Variants in DNAJC21 observed in about 807,000 individuals in gnomAD.
The protein encoded by DNAJC21 is DnaJ heat shock protein family (Hsp40) member C21.
Under a neutral mutation model 72.4 loss-of-function variants are expected in DNAJC21, and 63 were observed. The observed-to-expected ratio is 0.87, with a 90% CI of 0.71 to 1.07. The LOEUF (loss-of-function observed/expected upper bound fraction) is 1.07, where lower values mean the gene tolerates loss of function less well. DNAJC21 is among the 50% of genes least tolerant of loss of function. The pLI, the probability that DNAJC21 is intolerant of heterozygous loss-of-function variation, is 0.00. For synonymous variants in DNAJC21, 203 were observed against 216.7 expected (o/e 0.94, Z 0.56); for missense variants, 634 against 644.8 (o/e 0.98, Z 0.18).
At chr5:34,945,114 G>A in intron 8 of DNAJC21, 89 bp downstream of exon 8, 4 of 1,493,098 alleles carry the variant, frequency 2.7e-6, no homozygotes, top group South Asian at 1.3e-5. Flanking sequence ...GAATCACTCT[G>A]TTGCCCAGGC....
intron 9 of DNAJC21, among the ~76,000 whole-genome samples, chr5:34,947,132 A>G (rs1038553695): frequency 3.9e-5 from 6 of 152,158 alleles, no homozygotes; most frequent in South Asian, 4.1e-4. Flanking sequence ...AGTTTTCTGT[A>G]TGGCCAGAAA....
At position 34,944,873 on chromosome 5, in the gene DNAJC21, G is replaced by C. The variant is rs140649442; in HGVS notation, c.990G>C (p.Lys330Asn). The C allele has an allele frequency of 1.1e-5, 18 of 1,613,982 alleles. No homozygotes were observed. Among genetic ancestry groups the C allele is most frequent in the Admixed American group, 1.7e-5 (1 of 60,000 alleles). Reference sequence around the variant, plus strand: ...CGTCAGATTGCTCTTTCAGCATGAAGAATCACGAGAAGTCAAAGAAGCATC... The same window carrying C: ...CGTCAGATTGCTCTTTCAGCATGAACAATCACGAGAAGTCAAAGAAGCATC... ...DKSFKTEKAM[K>N]NHEKSKKHRE... The change falls in exon 8 of 12, where the codon AAG (lysine) becomes AAC (asparagine). Residue 330 changes from lysine (K) to asparagine (N), a missense_variant. By Grantham distance (94) the Lys-to-Asn change is moderately conservative (BLOSUM62 0). Coordinates refer to ENST00000648817, the MANE Select transcript of DNAJC21 (RefSeq NM_001012339.3).
rs1348019198 is a variant in DNAJC21 at position 34,957,527 on chromosome 5, C to G, written c.*2813C>G. Reference sequence around the variant, plus strand: ...GTGGAGGTCAAGTCACATCAGAGTTCATGACCTAGTGATTGCTGGTGAAGT... The same window carrying G: ...GTGGAGGTCAAGTCACATCAGAGTTGATGACCTAGTGATTGCTGGTGAAGT... On this transcript the variant is annotated 3_prime_UTR_variant, in exon 12 of 12. Coordinates refer to ENST00000648817, the MANE Select transcript of DNAJC21 (RefSeq NM_001012339.3). The G allele has an allele frequency of 6.6e-6, 1 of 152,076 alleles. No homozygotes were observed. Among genetic ancestry groups the G allele is most frequent in the African/African-American group, 2.4e-5 (1 of 41,408 alleles). The allele number at this position is 152,076 out of a possible 1,614,324, so 9.4% of individuals were successfully genotyped here. A position where few individuals can be genotyped will look rare whatever the true frequency, so the allele number is the denominator to read the frequency against.
chr5:34,936,122 T>C lies in DNAJC21; in HGVS notation c.316-22T>C, dbSNP rs200786263. On this transcript the variant is annotated intron_variant, in intron 3 of 11. Coordinates refer to ENST00000648817, the MANE Select transcript of DNAJC21 (RefSeq NM_001012339.3). Reference sequence around the variant, plus strand: ...TCAGGCTGCAAAAGTATTAAGAATTTGTTTTTGTTACTGTTTTTTAGGGAT... The same window carrying C: ...TCAGGCTGCAAAAGTATTAAGAATTCGTTTTTGTTACTGTTTTTTAGGGAT... 662 of 1,594,836 alleles carry C rather than the reference T, an allele frequency of 4.2e-4. 2 individuals are homozygous for C. Among genetic ancestry groups the C allele is most frequent in the Middle Eastern group, 3.7e-3 (22 of 5,944 alleles).
chr5:34,950,053 C>G, intron 9 of DNAJC21, 117 bp from the exon 10 acceptor site: 1 of 1,184,562 alleles, frequency 8.4e-7, no homozygotes, highest in Non-Finnish European at 1.1e-6. Flanking sequence ...ATGTTCTTAA[C>G]TTACCTGCTT....
rs748630781 is a variant in DNAJC21, at chr5:34,938,898, G to A, written c.784G>A (p.Ala262Thr). ...QYREQSWMTM[A>T]NLEKELQEME... is the part of the protein sequence containing the mutation. ...CAGAGAACAGAGCTGGATGACTATG[G>A]CCAATTTGGAGAAAGAGCTCCAGGA... is the stretch of plus-strand genomic sequence containing the variant. The change falls in exon 6 of 12, where the codon GCC (alanine) becomes ACC (threonine). Residue 262 changes from alanine (A) to threonine (T), a missense_variant. Coordinates refer to ENST00000648817, the MANE Select transcript of DNAJC21 (RefSeq NM_001012339.3). 3.8e-5 allele frequency: 61 copies of A among 1,614,026 alleles called. No individual in the cohort carries two copies. The highest frequency in any genetic ancestry group is 5.0e-5 in the Non-Finnish European group (59 of 1,180,026).
chr5:34,942,997 G>A (rs1296068295), intron 7 of DNAJC21, among the ~76,000 whole-genome samples: 1 of 152,158 alleles, frequency 6.6e-6, no homozygotes, highest in African/African-American at 2.4e-5. Flanking sequence ...GAACTCAGGA[G>A]GCGGAGGTTG....
At chr5:34,954,284 A>T (rs1004535486) in intron 11 of DNAJC21, 1 of 472,390 alleles carries the variant, frequency 2.1e-6, no homozygotes, top group African/African-American at 2.0e-5. Context: ...AGTTCTGGAG[A>T]TTAATTGTGA....
At chr5:34,952,374 T>C (rs1360005490) in intron 10 of DNAJC21, 1 of 503,578 alleles carries the variant, frequency 2.0e-6, no homozygotes, top group Non-Finnish European at 2.6e-6. Context: ...CTACACAATA[T>C]GTTACACTCC....
intron 3 of DNAJC21, 71 bp from the exon 4 acceptor site, chr5:34,936,073 G>C (rs1333543566): frequency 1.4e-5 from 22 of 1,547,968 alleles, no homozygotes; most frequent in African/African-American, 2.8e-5. Context: ...TTTTCATTTT[G>C]TATTTTAAAA....
At chr5:34,930,347 A>G (rs1383112503) in intron 1 of DNAJC21, 1 of 153,734 alleles carries the variant, frequency 6.5e-6, no homozygotes, top group Non-Finnish European at 1.4e-5. Flanking sequence ...GGAATCCCAG[A>G]TACTTCAACC....
In DNAJC21 at chr5:34,935,686, A is replaced by G. The variant is rs539615517; in HGVS notation, c.192-24A>G. 66 of 1,613,518 alleles carry G rather than the reference A, an allele frequency of 4.1e-5. No individual in the cohort carries two copies. In the South Asian group the frequency reaches 5.5e-4, roughly 13 times the overall value. The stretch of plus-strand genomic sequence containing the variant: ...AATTCTTACTTATTCAGCCTTCACA[A>G]TGATGCTAATTTTTGTTTTTCAGGT... On this transcript the variant is annotated intron_variant, in intron 2 of 11. Transcript: ENST00000648817.
At chr5:34,951,813 C>G (rs1216202050) in intron 10 of DNAJC21, 3 of 985,554 alleles carry the variant, frequency 3.0e-6, no homozygotes, top group Non-Finnish European at 2.4e-6. Flanking sequence ...TGTGAGCTAC[C>G]GTGTCTGGCC....
At chr5:34,943,726 C>T (rs1338902062) in intron 7 of DNAJC21, among the ~76,000 whole-genome samples, 1 of 152,128 alleles carries the variant, frequency 6.6e-6, no homozygotes, top group Non-Finnish European at 1.5e-5. Flanking sequence ...GTGCCAGTAC[C>T]CCCTCAAGTT....
intron 7 of DNAJC21, among the ~76,000 whole-genome samples, chr5:34,943,022 C>T (rs920829187): frequency 2.0e-5 from 3 of 151,876 alleles, no homozygotes; most frequent in Non-Finnish European, 4.4e-5. Flanking sequence ...GAGCCAAGAT[C>T]GTGCCATTGC....
At chr5:34,952,866 TTAGGCCAGGC>T (rs1765422189) in intron 10 of DNAJC21, 1 of 152,150 alleles carries the variant, frequency 6.6e-6, no homozygotes, top group South Asian at 2.1e-4. Flanking sequence ...GAAGTTAATG[TTAGGCCAGGC>T]AGGGTGGCTC....
intron 10 of DNAJC21, chr5:34,953,706 C>A (rs1765450696): frequency 2.4e-6 from 1 of 424,960 alleles, no homozygotes; most frequent in Non-Finnish European, 4.2e-6. Context: ...TAAGGAAATT[C>A]CTTAATTTTT....
Position 34,933,827 on chromosome 5 carries a change from A to G in DNAJC21, c.110A>G (p.Asp37Gly), listed in dbSNP as rs1340116429. The G allele has an allele frequency of 2.5e-6, 4 of 1,613,620 alleles. No homozygotes were observed. The highest frequency in any genetic ancestry group is 3.4e-6 in the Non-Finnish European group (4 of 1,179,844). ...ALKWHPDKNL[D>G]NAAEAAEQFK... ...GTGACTTTAACAGATAAAAATCTGG[A>G]TAATGCCGCAGAAGCAGCTGAACAA... Residue 37 changes from aspartate to glycine, a missense_variant, in exon 2 of 12, where the codon GAT (aspartate) becomes GGT (glycine). Transcript: ENST00000648817.
intron 2 of DNAJC21, among the ~76,000 whole-genome samples, chr5:34,934,215 A>T (rs1431786322): frequency 1.3e-5 from 2 of 152,090 alleles, no homozygotes; most frequent in Admixed American, 1.3e-4. Flanking sequence ...GATATCAGAC[A>T]GGTAGAAGGT....
Sources: allele counts gnomAD v4.1 joint callset (sites outside exome capture counted in the v4.1 genomes callset), GRCh38; gene constraint gnomAD v4.1.1; transcripts MANE v1.5; gene names NCBI Gene and HGNC (gene_info 2026-07-23, HGNC 2026-07-21).